Variants in IQGAP1 observed in about 807,000 individuals in gnomAD.
IQGAP1 encodes the protein ras GTPase-activating-like protein IQGAP1.
In IQGAP1, 66 loss-of-function variants were observed where a neutral mutation model predicts 215.6. The ratio of observed to expected loss-of-function variants is 0.31; its 90% CI spans 0.25 to 0.38. The LOEUF (loss-of-function observed/expected upper bound fraction) is 0.38. IQGAP1 is among the 10% of genes least tolerant of loss of function. The probability of loss-of-function intolerance (pLI) is 1.00; values close to 1 mark genes in which losing one functional copy is unlikely to be tolerated. For synonymous variants in IQGAP1, 772 were observed against 728.7 expected (o/e 1.06, Z -0.96); for missense variants, 1,712 against 1,997.1 (o/e 0.86, Z 2.72).
rs374132714 is a variant in IQGAP1, at chr15:90,436,497, A to G, written c.467+2702A>G. 4.6e-5 allele frequency among the ~76,000 whole-genome samples: 7 copies of G among 152,360 alleles called. No individual in the cohort carries two copies. In the East Asian group the frequency reaches 1.2e-3, roughly 25 times the overall value. On this transcript the variant is annotated intron_variant, in intron 5 of 37. Transcript: ENST00000268182. Reference sequence around the variant, plus strand: ...TATTAATAATCTTTGAGATTGGCATAGTGACTTCTAGGTTACTCACCATTC... The same window carrying G: ...TATTAATAATCTTTGAGATTGGCATGGTGACTTCTAGGTTACTCACCATTC...
chr15:90,493,714 G>T (rs1336367967), intron 35 of IQGAP1, among the ~76,000 whole-genome samples: 1 of 152,124 alleles, frequency 6.6e-6, no homozygotes, highest in Non-Finnish European at 1.5e-5. Flanking sequence ...ACTCTCTGGG[G>T]TCAGGCATGG....
At chr15:90,410,954 A>T (rs530220330) in intron 2 of IQGAP1, among the ~76,000 whole-genome samples, 3 of 152,040 alleles carry the variant, frequency 2.0e-5, no homozygotes, top group Non-Finnish European at 4.4e-5. Flanking sequence ...TGTCCCATGG[A>T]AATTTTTCTA....
At chr15:90,415,785 G>A (rs544636595) in intron 2 of IQGAP1, among the ~76,000 whole-genome samples, 9 of 152,150 alleles carry the variant, frequency 5.9e-5, no homozygotes, top group Non-Finnish European at 1.3e-4. Context: ...CTGGATTACC[G>A]AAATGTTTGC....
intron 2 of IQGAP1, among the ~76,000 whole-genome samples, chr15:90,419,850 A>T (rs996710301): frequency 6.6e-6 from 1 of 152,226 alleles, no homozygotes; most frequent in Non-Finnish European, 1.5e-5. Flanking sequence ...GGCTGGTCAG[A>T]CCATACCTGG....
intron 9 of IQGAP1, among the ~76,000 whole-genome samples, chr15:90,445,176 G>C (rs151313344): frequency 6.6e-6 from 1 of 151,702 alleles, no homozygotes; most frequent in African/African-American, 2.4e-5. Flanking sequence ...CTCTGAAGTG[G>C]TACTGACCTG....
Position 90,467,561 on chromosome 15 carries a change from A to G in IQGAP1, c.2147A>G (p.Asn716Ser). ...GWDEPPNFVQ[N>S]SMQLSREEIQ... is the part of the protein sequence containing the mutation. The stretch of plus-strand genomic sequence containing the variant: ...GATGAACCTCCAAATTTTGTGCAAA[A>G]TTCTATGCAGCTTTCTCGGGAGGAG... Residue 716 changes from asparagine to serine, a missense_variant, in exon 18 of 38, where the codon AAT becomes AGT. Physicochemically the swap from Asn to Ser is conservative, Grantham distance 46. Around this residue, in one of 2 missense-constraint regions of IQGAP1, gnomAD observed 1,021 missense variants for 1,074.2 expected, o/e 0.95. Transcript: ENST00000268182. 6.2e-7 allele frequency: 1 copy of G among 1,612,574 alleles called. No individual in the cohort carries two copies. Among genetic ancestry groups the G allele is most frequent in the Non-Finnish European group, 8.5e-7 (1 of 1,179,504 alleles).
At chr15:90,467,920 C>G (rs1469179070) in intron 18 of IQGAP1, among the ~76,000 whole-genome samples, 1 of 152,236 alleles carries the variant, frequency 6.6e-6, no homozygotes. Flanking sequence ...TCTCTTCTAA[C>G]TGTTCCACAA....
At chr15:90,446,812 C>G (rs544983557) in intron 9 of IQGAP1, among the ~76,000 whole-genome samples, 1 of 152,100 alleles carries the variant, frequency 6.6e-6, no homozygotes, top group East Asian at 1.9e-4. Context: ...GTTAAGTAGA[C>G]TAAGGAAAAT....
chr15:90,443,861 C>G (rs1315145306), intron 9 of IQGAP1, among the ~76,000 whole-genome samples: 1 of 152,006 alleles, frequency 6.6e-6, no homozygotes, highest in South Asian at 2.1e-4. Flanking sequence ...GTCAGAAGTT[C>G]GAGACCAGCC....
At chr15:90,440,256 A>G (rs1318443727) in intron 6 of IQGAP1, among the ~76,000 whole-genome samples, 2 of 152,208 alleles carry the variant, frequency 1.3e-5, no homozygotes, top group Admixed American at 6.5e-5. Flanking sequence ...TTGAAAAACT[A>G]TTTCCTGTAG....
intron 2 of IQGAP1, among the ~76,000 whole-genome samples, chr15:90,398,955 AG>A (rs1473574983): frequency 6.7e-6 from 1 of 149,498 alleles, no homozygotes; most frequent in African/African-American, 2.5e-5. Flanking sequence ...CAGTGAGCTG[AG>A]ATCACGCCAC....
chr15:90,466,505 G>C (rs989142489), intron 17 of IQGAP1, 69 bp downstream of exon 17: 1 of 1,457,226 alleles, frequency 6.9e-7, no homozygotes, highest in Admixed American at 1.7e-5. Flanking sequence ...CAGATGTAGA[G>C]GAAAGGGATA....
intron 3 of IQGAP1, 25 bp from the exon 4 acceptor site, chr15:90,429,564 A>G (rs377670297): frequency 1.4e-5 from 21 of 1,527,784 alleles, no homozygotes; most frequent in Non-Finnish European, 1.9e-5. Context: ...AGCCAATAAT[A>G]CCTAATTTTC....
intron 9 of IQGAP1, among the ~76,000 whole-genome samples, chr15:90,444,289 A>ATTTT (rs759649205): frequency 0.072 from 8,444 of 116,518 alleles, 531 homozygotes; most frequent in East Asian, 0.24. Flanking sequence ...GTATATATAT[A>ATTTT]TTTTTTTTTT....
intron 5 of IQGAP1, among the ~76,000 whole-genome samples, chr15:90,437,693 C>T (rs1596265828): frequency 1.3e-5 from 2 of 152,120 alleles, no homozygotes; most frequent in East Asian, 1.9e-4. Context: ...CATGCACCAC[C>T]ATACCTGGCT....
At chr15:90,462,472 C>T (rs774848043) in intron 15 of IQGAP1, among the ~76,000 whole-genome samples, 3 of 152,092 alleles carry the variant, frequency 2.0e-5, no homozygotes, top group Admixed American at 2.0e-4. Flanking sequence ...AGTTGATAAA[C>T]GTGTTGTACA....
chr15:90,461,661 A>C (rs1367550003), intron 15 of IQGAP1, among the ~76,000 whole-genome samples: 1 of 152,130 alleles, frequency 6.6e-6, no homozygotes, highest in Non-Finnish European at 1.5e-5. Context: ...TGACATGGCG[A>C]AACTCCATCT....
chr15:90,412,871 T>G (rs1964987269), intron 2 of IQGAP1, among the ~76,000 whole-genome samples: 1 of 152,188 alleles, frequency 6.6e-6, no homozygotes, highest in Non-Finnish European at 1.5e-5. Context: ...AGTGGTCAGT[T>G]CCGGCATTGG....
intron 11 of IQGAP1, among the ~76,000 whole-genome samples, chr15:90,450,464 CAT>C (rs1456285115): frequency 6.7e-6 from 1 of 149,128 alleles, no homozygotes; most frequent in African/African-American, 2.5e-5. Context: ...TTCTTTTGGC[CAT>C]ATACCTAGCA....
Sources: allele counts gnomAD v4.1 joint callset (sites outside exome capture counted in the v4.1 genomes callset), GRCh38; gene constraint gnomAD v4.1.1; regional missense constraint gnomAD v4.1.1; transcripts MANE v1.5; gene names NCBI Gene and HGNC (gene_info 2026-07-23, HGNC 2026-07-21).